The following PDE3A variants were observed in gnomAD, a reference collection of about 807,000 sequenced individuals.
The protein encoded by PDE3A is phosphodiesterase 3A.
A neutral mutation model predicts 98.3 loss-of-function variants in PDE3A; 43 were observed. The observed-to-expected ratio is 0.44, with a 90% confidence interval of 0.34 to 0.56. PDE3A has a LOEUF of 0.56. Ranked by LOEUF, PDE3A falls within the 20% of genes least tolerant of loss-of-function variation. PDE3A has a pLI of 0.01. For synonymous variants in PDE3A, 663 were observed against 567.9 expected (o/e 1.17, Z -2.38); for missense variants, 1,427 against 1,440.7 (o/e 0.99, Z 0.15).
At chr12:20,555,133 C>G (rs947587818) in intron 1 of PDE3A, among the ~76,000 whole-genome samples, 4 of 152,006 alleles carry the variant, frequency 2.6e-5, no homozygotes, top group African/African-American at 9.7e-5. Flanking sequence ...AAGCAATTCC[C>G]CCGCCTCAAC....
chr12:20,634,335 G>T (rs1944450689), intron 7 of PDE3A, among the ~76,000 whole-genome samples: 1 of 152,130 alleles, frequency 6.6e-6, no homozygotes, highest in African/African-American at 2.4e-5. Context: ...TTCAGACTCT[G>T]GGTGTTTACT....
intron 1 of PDE3A, among the ~76,000 whole-genome samples, chr12:20,503,829 C>G (rs996534748): frequency 1.3e-5 from 2 of 152,068 alleles, no homozygotes; most frequent in Non-Finnish European, 2.9e-5. Context: ...AATGTGTCAT[C>G]ATTAAATTGT....
chr12:20,391,826 A>G (rs1943920499), intron 1 of PDE3A, among the ~76,000 whole-genome samples: 1 of 151,864 alleles, frequency 6.6e-6, no homozygotes, highest in South Asian at 2.1e-4. Flanking sequence ...TGAGGAGTCC[A>G]GAATCTGGTA....
intron 2 of PDE3A, among the ~76,000 whole-genome samples, chr12:20,572,385 G>A (rs950723425): frequency 2.6e-5 from 4 of 152,030 alleles, no homozygotes; most frequent in Non-Finnish European, 5.9e-5. Flanking sequence ...AAAAGTTCTA[G>A]AATGATTTTT....
At chr12:20,566,527 T>A (rs886171714) in intron 2 of PDE3A, among the ~76,000 whole-genome samples, 2 of 150,856 alleles carry the variant, frequency 1.3e-5, no homozygotes, top group Non-Finnish European at 3.0e-5. Context: ...TTTTTTTTTT[T>A]AAGTTTAGGA....
chr12:20,472,211 C>G (rs1364269147), intron 1 of PDE3A, among the ~76,000 whole-genome samples: 2 of 152,136 alleles, frequency 1.3e-5, no homozygotes, highest in Admixed American at 6.6e-5. Context: ...GAAAAGACAA[C>G]CAGGAAGGGA....
At chr12:20,465,544 G>T (rs1027159254) in intron 1 of PDE3A, among the ~76,000 whole-genome samples, 1 of 152,002 alleles carries the variant, frequency 6.6e-6, no homozygotes, top group Non-Finnish European at 1.5e-5. Flanking sequence ...CCGAGTAGCG[G>T]GACTACAGGT....
At chr12:20,449,987 G>A in intron 1 of PDE3A, 2 of 711,944 alleles carry the variant, frequency 2.8e-6, no homozygotes, top group South Asian at 1.7e-5. Context: ...ATAAGCCCTT[G>A]CCAAGTCAAT....
At chr12:20,601,481 C>T (rs75350945) in intron 2 of PDE3A, among the ~76,000 whole-genome samples, 6,245 of 152,126 alleles carry the variant, frequency 0.041, 154 homozygotes, top group Non-Finnish European at 0.055. Context: ...CAGTAAAGTT[C>T]CACAAAACAG....
chr12:20,644,002 C>T lies in PDE3A; in HGVS notation c.2252-2488C>T, dbSNP rs182208713. Among the ~76,000 whole-genome samples the T allele has an allele frequency of 7.9e-5, 12 of 152,192 alleles. No individual in the cohort carries two copies. The East Asian group carries it at 1.5e-3, about 20-fold the overall frequency. On this transcript the variant is annotated intron_variant, in intron 10 of 15. Transcript: ENST00000359062. ...GCTCTGCCAACACTGTGATACTGCC[C>T]CCCATCCACCTCCGTACTGCTATGC...
intron 1 of PDE3A, among the ~76,000 whole-genome samples, chr12:20,468,576 T>G (rs1001680099): frequency 6.6e-6 from 1 of 152,218 alleles, no homozygotes; most frequent in Non-Finnish European, 1.5e-5. Flanking sequence ...CTGCCTGGTC[T>G]TTCAGGTTAC....
intron 4 of PDE3A, 103 bp downstream of exon 4, chr12:20,616,487 TGGAGGTC>T: frequency 5.4e-6 from 6 of 1,107,530 alleles, no homozygotes; most frequent in Non-Finnish European, 7.8e-6. Flanking sequence ...TACATTTGGT[TGGAGGTC>T]AGCTTTGAAG....
intron 2 of PDE3A, among the ~76,000 whole-genome samples, chr12:20,599,016 A>G (rs1295037353): frequency 1.3e-5 from 2 of 152,216 alleles, no homozygotes; most frequent in East Asian, 3.9e-4. Context: ...ACCAACTGAT[A>G]GAATTAGAAA....
chr12:20,409,117 C>T (rs1167467362), intron 1 of PDE3A, among the ~76,000 whole-genome samples: 1 of 152,142 alleles, frequency 6.6e-6, no homozygotes, highest in African/African-American at 2.4e-5. Flanking sequence ...GCCTCTTCAT[C>T]ATCTCCTCAT....
Position 20,455,405 on chromosome 12 carries a change from A to G in PDE3A, c.960+85161A>G, listed in dbSNP as rs144869937. Among the ~76,000 whole-genome samples the G allele has an allele frequency of 1.8e-3, 275 of 152,090 alleles. 1 individual carries two copies. Among genetic ancestry groups the G allele is most frequent in the Non-Finnish European group, 1.5e-3 (104 of 67,962 alleles). On this transcript the variant is annotated intron_variant, in intron 1 of 15. Transcript: ENST00000359062. ...GCAAAAATGTTCTCCCATTCTGTAG[A>G]TTGTCTGTTTACTCTGTTGATAATT...
chr12:20,559,941 G>A (rs980371895), intron 2 of PDE3A, among the ~76,000 whole-genome samples: 1 of 152,152 alleles, frequency 6.6e-6, no homozygotes, highest in Non-Finnish European at 1.5e-5. Context: ...AACTCTTACA[G>A]CAATTACTGT....
chr12:20,386,144 T>TATATATAAATATATATATAA (rs1943785786), intron 1 of PDE3A, among the ~76,000 whole-genome samples: 36 of 26,510 alleles, frequency 1.4e-3, no homozygotes, highest in East Asian at 4.8e-3. Flanking sequence ...TATATATAAA[T>TATATATAAATATATATATAA]ATATATATAA....
At chr12:20,449,853 C>T in intron 1 of PDE3A, 1 of 591,284 alleles carries the variant, frequency 1.7e-6, no homozygotes, top group Non-Finnish European at 2.9e-6. Flanking sequence ...AGAGACCTGC[C>T]CCTTTTAGTG....
intron 1 of PDE3A, chr12:20,551,529 A>T: frequency 8.4e-7 from 1 of 1,197,300 alleles, no homozygotes. Flanking sequence ...CCGATAACGA[A>T]CGAGACTCTG....
Sources: allele counts gnomAD v4.1 joint callset (sites outside exome capture counted in the v4.1 genomes callset), GRCh38; gene constraint gnomAD v4.1.1; transcripts MANE v1.5; gene names NCBI Gene and HGNC (gene_info 2026-07-23, HGNC 2026-07-21).